The following METTL15 variants were observed in gnomAD, a reference collection of about 807,000 sequenced individuals.
The protein encoded by METTL15 is methyltransferase 15, mitochondrial 12S rRNA N4-cytidine.
Under a neutral mutation model 38.3 loss-of-function variants are expected in METTL15, and 34 were observed. The observed-to-expected ratio is 0.89, with a 90% confidence interval of 0.68 to 1.18. METTL15 has a LOEUF of 1.18. Ranked by LOEUF, METTL15 falls within the 50% of genes most tolerant of loss-of-function variation. The pLI is 0.00. For missense variants in METTL15, 438 were observed against 498.4 expected, an observed-to-expected ratio of 0.88 and a Z score of 1.15; for synonymous variants, 162 against 170.9, an observed-to-expected ratio of 0.95 and a Z score of 0.41.
intron 3 of METTL15, among the ~76,000 whole-genome samples, chr11:28,128,329 G>T (rs925897447): frequency 2.0e-5 from 3 of 151,978 alleles, no homozygotes; most frequent in Non-Finnish European, 4.4e-5. Flanking sequence ...TATTCTATAA[G>T]AATGTTTAAA....
intron 3 of METTL15, among the ~76,000 whole-genome samples, chr11:28,122,333 ATG>A (rs61147516): frequency 0.01 from 1,159 of 112,060 alleles, 6 homozygotes; most frequent in Admixed American, 0.016. Context: ...ATGTGTGTAT[ATG>A]TGTGTGTGTG....
intron 3 of METTL15, among the ~76,000 whole-genome samples, chr11:28,128,442 T>G (rs994861255): frequency 1.3e-5 from 2 of 152,148 alleles, no homozygotes; most frequent in African/African-American, 4.8e-5. Context: ...TGTAAATGTG[T>G]TGTTTGCTGA....
intron 3 of METTL15, among the ~76,000 whole-genome samples, chr11:28,126,583 G>A (rs1267372947): frequency 6.6e-6 from 1 of 152,124 alleles, no homozygotes; most frequent in South Asian, 2.1e-4. Context: ...GGTGAAGAGA[G>A]GCAAGGATAG....
chr11:28,290,164 T>G, intron 4 of METTL15, 42 bp from the exon 5 acceptor site: 1 of 1,515,232 alleles, frequency 6.6e-7, no homozygotes, highest in South Asian at 1.2e-5. Context: ...AAGACTTCAA[T>G]CTAACAGAAG....
chr11:28,299,816 A>C (rs970756124), intron 6 of METTL15, among the ~76,000 whole-genome samples: 1 of 152,126 alleles, frequency 6.6e-6, no homozygotes, highest in African/African-American at 2.4e-5. Flanking sequence ...AGATGTTAGA[A>C]GGGAGCTAGA....
chr11:28,377,968 G>A lies in METTL15; in HGVS notation c.*358+15932G>A, dbSNP rs562530217. 5.7e-4 allele frequency among the ~76,000 whole-genome samples: 87 copies of A among 152,226 alleles called. 1 individual carries two copies. The South Asian group carries it at 0.014, about 24-fold the overall frequency. On this transcript the variant is annotated intron_variant and NMD_transcript_variant, in intron 5 of 7. Transcript: ENST00000532947. ...AGGGTGCCTCCCAGTTAGGCTGCTC[G>A]GGGGTCAGGGGTCAGGGACCCACTT...
intron 4 of METTL15, among the ~76,000 whole-genome samples, chr11:28,272,354 G>A (rs572245858): frequency 5.3e-5 from 8 of 152,300 alleles, no homozygotes; most frequent in African/African-American, 1.2e-4. Flanking sequence ...TAAAGAAAAT[G>A]TGGCACATAT....
At chr11:28,335,653 A>G (rs1473710821), downstream of METTL15, among the ~76,000 whole-genome samples, 2 of 152,138 alleles carry the variant, frequency 1.3e-5, no homozygotes, top group East Asian at 1.9e-4. Context: ...CTGTCCTCAT[A>G]GTAACAATTG....
chr11:28,465,209 TAC>T (rs1432712092), intron 6 of METTL15, among the ~76,000 whole-genome samples: 1 of 152,134 alleles, frequency 6.6e-6, no homozygotes, highest in Non-Finnish European at 1.5e-5. Flanking sequence ...CCCTCTGAAA[TAC>T]ACTCTTTCTT....
chr11:28,409,312 G>T (rs1401519502), intron 5 of METTL15, among the ~76,000 whole-genome samples: 1 of 143,494 alleles, frequency 7.0e-6, no homozygotes, highest in Admixed American at 7.6e-5. Flanking sequence ...AACCCAGGAG[G>T]CAGAGCTTGC....
At chr11:28,119,273 C>CTT (rs1247804573) in intron 3 of METTL15, among the ~76,000 whole-genome samples, 1 of 152,174 alleles carries the variant, frequency 6.6e-6, no homozygotes, top group Non-Finnish European at 1.5e-5. Context: ...ATTTGTCTTG[C>CTT]TTACCATTAT....
chr11:28,395,073 T>C (rs1262719241), intron 5 of METTL15, among the ~76,000 whole-genome samples: 1 of 152,124 alleles, frequency 6.6e-6, no homozygotes. Flanking sequence ...TTGGAGAGTT[T>C]CTTCCACAAG....
chr11:28,383,736 A>G (rs1342253756), intron 5 of METTL15, among the ~76,000 whole-genome samples: 2 of 151,796 alleles, frequency 1.3e-5, no homozygotes, highest in Non-Finnish European at 2.9e-5. Flanking sequence ...TTTTTTTCTT[A>G]TGCTTTTTGG....
At chr11:28,399,565 A>G (rs1444832996) in intron 5 of METTL15, among the ~76,000 whole-genome samples, 3 of 151,980 alleles carry the variant, frequency 2.0e-5, no homozygotes, top group Admixed American at 6.6e-5. Flanking sequence ...TTAGAATATT[A>G]GCTAATTTTT....
At chr11:28,465,818 G>A (rs1210908129) in intron 6 of METTL15, among the ~76,000 whole-genome samples, 2 of 152,094 alleles carry the variant, frequency 1.3e-5, no homozygotes, top group Admixed American at 1.3e-4. Flanking sequence ...ATGTTTGGCA[G>A]CAACTACAAG....
intron 6 of METTL15, among the ~76,000 whole-genome samples, chr11:28,473,485 A>T (rs1041671366): frequency 6.6e-6 from 1 of 152,138 alleles, no homozygotes; most frequent in Non-Finnish European, 1.5e-5. Context: ...AGCTGCAGAG[A>T]TCAATAGTTG....
intron 5 of METTL15, among the ~76,000 whole-genome samples, chr11:28,371,764 G>C (rs578173155): frequency 2.2e-4 from 34 of 151,972 alleles, no homozygotes; most frequent in Admixed American, 1.2e-3. Context: ...CATTGTACAT[G>C]GGTTTGCTTC....
chr11:28,512,639 C>A (rs1010761739), intron 6 of METTL15, among the ~76,000 whole-genome samples: 2 of 152,198 alleles, frequency 1.3e-5, no homozygotes, highest in Non-Finnish European at 2.9e-5. Context: ...CAGGGCCTGC[C>A]AAGCCCATGC....
chr11:28,221,414 G>A (rs567822672), intron 4 of METTL15, among the ~76,000 whole-genome samples: 2 of 152,194 alleles, frequency 1.3e-5, no homozygotes, highest in East Asian at 3.9e-4. Flanking sequence ...AGCTCCATCA[G>A]GTTCTTTAAG....
Sources: allele counts gnomAD v4.1 joint callset (sites outside exome capture counted in the v4.1 genomes callset), GRCh38; gene constraint gnomAD v4.1.1; transcripts MANE v1.5; gene names NCBI Gene and HGNC (gene_info 2026-07-23, HGNC 2026-07-21).